The following KCTD16 variants were observed in gnomAD, a reference collection of about 807,000 sequenced individuals.
KCTD16 encodes the protein BTB/POZ domain-containing protein KCTD16.
KCTD16 carries 13 observed loss-of-function variants against 33.2 expected under a neutral mutation model. The observed-to-expected ratio is 0.39, with a 90% CI of 0.25 to 0.62. The LOEUF (loss-of-function observed/expected upper bound fraction) is 0.62, where lower values mean the gene tolerates loss of function less well. Ranked by LOEUF, KCTD16 falls within the 20% of genes least tolerant of loss-of-function variation. The pLI, the probability that KCTD16 is intolerant of heterozygous loss-of-function variation, is 0.50. For missense variants in KCTD16, 441 were observed against 525.1 expected, an observed-to-expected ratio of 0.84 and a Z score of 1.57; for synonymous variants, 197 against 195.3, an observed-to-expected ratio of 1.01 and a Z score of -0.07.
chr5:144,445,736 CT>C lies in KCTD16; in HGVS notation c.833-27914del, dbSNP rs140059043. Among the ~76,000 whole-genome samples, 805 of 147,128 alleles carry C rather than the reference CT, an allele frequency of 5.5e-3. 5 individuals carry two copies. Among genetic ancestry groups the C allele is most frequent in the African/African-American group, 0.019 (759 of 40,352 alleles). On this transcript the variant is annotated intron_variant, in intron 3 of 3. Transcript: ENST00000512467. ...TCCTCTTCCTCATTTTGGCCTAGAC[CT>C]TTTTTTTTTGTTTCATTATGGTCTC...
At chr5:144,198,785 A>G (rs1367411253) in intron 2 of KCTD16, among the ~76,000 whole-genome samples, 1 of 152,220 alleles carries the variant, frequency 6.6e-6, no homozygotes, top group Non-Finnish European at 1.5e-5. Context: ...TCCAAGGGCA[A>G]ATGTGCTTAG....
At chr5:144,380,494 G>T (rs948295525) in intron 3 of KCTD16, among the ~76,000 whole-genome samples, 1 of 152,056 alleles carries the variant, frequency 6.6e-6, no homozygotes, top group Admixed American at 6.6e-5. Context: ...AGACTATTTT[G>T]AAATTCACTT....
chr5:144,212,250 T>C (rs566132394), intron 3 of KCTD16, among the ~76,000 whole-genome samples: 3 of 152,310 alleles, frequency 2.0e-5, no homozygotes, highest in East Asian at 1.9e-4. Context: ...TTGGGCTTAA[T>C]AGAACAGTGA....
chr5:144,222,245 C>T (rs1182773586), intron 3 of KCTD16, among the ~76,000 whole-genome samples: 7 of 151,794 alleles, frequency 4.6e-5, no homozygotes, highest in Non-Finnish European at 8.8e-5. Flanking sequence ...TAGAGAGTTG[C>T]AAAAGCATTT....
chr5:144,460,569 G>C (rs745968048), intron 3 of KCTD16, among the ~76,000 whole-genome samples: 1 of 152,162 alleles, frequency 6.6e-6, no homozygotes, highest in Non-Finnish European at 1.5e-5. Flanking sequence ...AGCCTTCTGA[G>C]TAGCTGGAAT....
intron 3 of KCTD16, among the ~76,000 whole-genome samples, chr5:144,307,510 A>G (rs1171575530): frequency 6.6e-6 from 1 of 152,216 alleles, no homozygotes; most frequent in Admixed American, 6.5e-5. Context: ...CAAGTGCTTA[A>G]CATACATTAT....
chr5:144,271,855 T>A lies in KCTD16; in HGVS notation c.832+64309T>A, dbSNP rs540514510. ...AGTCAACACACAAAAATCAGTTGTA[T>A]TTCTATATACTAGAAATCAACAGCC... On this transcript the variant is annotated intron_variant, in intron 3 of 3. Coordinates refer to ENST00000512467, the MANE Select transcript of KCTD16 (RefSeq NM_020768.4). Among the ~76,000 whole-genome samples the A allele has an allele frequency of 4.6e-5, 7 of 152,162 alleles. No individual in the cohort carries two copies. In the South Asian group the frequency reaches 1.2e-3, roughly 27 times the overall value.
chr5:144,297,629 C>T (rs1756077658), intron 3 of KCTD16, among the ~76,000 whole-genome samples: 1 of 152,188 alleles, frequency 6.6e-6, no homozygotes, highest in Non-Finnish European at 1.5e-5. Flanking sequence ...ATCCCTAAGC[C>T]TAGCTGGGAA....
At chr5:144,270,783 G>A (rs945803208) in intron 3 of KCTD16, among the ~76,000 whole-genome samples, 2 of 151,626 alleles carry the variant, frequency 1.3e-5, no homozygotes, top group Non-Finnish European at 3.0e-5. Flanking sequence ...TTAGCTAAGT[G>A]TATTAAGAAA....
intron 3 of KCTD16, among the ~76,000 whole-genome samples, chr5:144,406,827 G>C (rs1016581498): frequency 6.6e-6 from 1 of 152,162 alleles, no homozygotes; most frequent in Non-Finnish European, 1.5e-5. Flanking sequence ...GCTTCTGCTG[G>C]GGTATTTTCT....
intron 3 of KCTD16, among the ~76,000 whole-genome samples, chr5:144,302,305 GAAAC>G (rs1470096671): frequency 6.6e-6 from 1 of 152,114 alleles, no homozygotes; most frequent in Non-Finnish European, 1.5e-5. Flanking sequence ...AAAATGAAAA[GAAAC>G]AAAAGGAGAA....
At chr5:144,444,160 A>G (rs373110415) in intron 3 of KCTD16, among the ~76,000 whole-genome samples, 1 of 151,918 alleles carries the variant, frequency 6.6e-6, no homozygotes, top group Non-Finnish European at 1.5e-5. Flanking sequence ...TGTTTTTTTT[A>G]GCAGAGAGAG....
chr5:144,436,466 G>A (rs956853192), intron 3 of KCTD16, among the ~76,000 whole-genome samples: 12 of 152,094 alleles, frequency 7.9e-5, no homozygotes, highest in Non-Finnish European at 1.6e-4. Context: ...AAAGGATTCT[G>A]GGTTCAGGAG....
intron 3 of KCTD16, among the ~76,000 whole-genome samples, chr5:144,357,497 C>A (rs1046816512): frequency 5.3e-5 from 8 of 152,172 alleles, no homozygotes; most frequent in African/African-American, 1.9e-4. Context: ...AAATAAAACA[C>A]TCTAGCCATC....
intron 3 of KCTD16, among the ~76,000 whole-genome samples, chr5:144,304,161 A>C (rs143781418): frequency 6.6e-6 from 1 of 152,354 alleles, no homozygotes; most frequent in Non-Finnish European, 1.5e-5. Context: ...TCATGTGAGG[A>C]TAAAAATTCA....
At chr5:144,209,432 A>T (rs1459626772) in intron 3 of KCTD16, among the ~76,000 whole-genome samples, 1 of 152,162 alleles carries the variant, frequency 6.6e-6, no homozygotes, top group African/African-American at 2.4e-5. Context: ...CCATCTCTCC[A>T]TGGACAGGCT....
intron 2 of KCTD16, among the ~76,000 whole-genome samples, chr5:144,203,712 G>T (rs938922975): frequency 4.6e-5 from 7 of 152,152 alleles, no homozygotes; most frequent in African/African-American, 1.7e-4. Context: ...TAAAACATTT[G>T]CTTACTTTAC....
intron 3 of KCTD16, among the ~76,000 whole-genome samples, chr5:144,320,400 C>A (rs891061520): frequency 6.6e-6 from 1 of 152,152 alleles, no homozygotes; most frequent in Non-Finnish European, 1.5e-5. Flanking sequence ...AAGAAAAGCT[C>A]TTTGGGGACA....
chr5:144,211,178 T>G (rs1006741799), intron 3 of KCTD16, among the ~76,000 whole-genome samples: 1 of 151,934 alleles, frequency 6.6e-6, no homozygotes, highest in Admixed American at 6.6e-5. Context: ...ATCTTCCATT[T>G]ATAATTCAGC....
Sources: gnomAD v4.1 joint callset for allele counts (sites outside exome capture counted in the v4.1 genomes callset) on GRCh38, gnomAD v4.1.1 for gene constraint, MANE v1.5 for transcripts, NCBI Gene and HGNC (gene_info 2026-07-23, HGNC 2026-07-21) for gene names.